Variants in FEZ1 observed in about 807,000 individuals in gnomAD.
FEZ1 encodes fasciculation and elongation protein zeta-1.
In FEZ1, 20 loss-of-function variants were observed where a neutral mutation model predicts 49.3. That is an observed-to-expected ratio of 0.41 (90% confidence interval 0.29 to 0.59). The LOEUF is 0.59. Ranked by LOEUF, FEZ1 falls within the 20% of genes least tolerant of loss-of-function variation. The pLI, the probability that FEZ1 is intolerant of heterozygous loss-of-function variation, is 0.36. For synonymous variants in FEZ1, 170 were observed against 180.9 expected (o/e 0.94, Z 0.48); for missense variants, 413 against 476.0 (o/e 0.87, Z 1.23).
chr11:125,457,617 TTGAC>T (rs1957031577), intron 5 of FEZ1, among the ~76,000 whole-genome samples: 1 of 148,864 alleles, frequency 6.7e-6, no homozygotes, highest in Non-Finnish European at 1.5e-5. Flanking sequence ...AATTAATTGA[TTGAC>T]TGGTTTTTAA....
At chr11:125,454,657 T>A (rs1257115295) in intron 6 of FEZ1, among the ~76,000 whole-genome samples, 1 of 152,086 alleles carries the variant, frequency 6.6e-6, no homozygotes, top group African/African-American at 2.4e-5. Context: ...AGGTCTGTGA[T>A]AGAGCCTAGG....
chr11:125,468,263 C>T (rs981949085), intron 3 of FEZ1, among the ~76,000 whole-genome samples: 15 of 152,078 alleles, frequency 9.9e-5, no homozygotes, highest in African/African-American at 3.4e-4. Flanking sequence ...CTGCAGCCTC[C>T]CTTTCCTGGG....
In FEZ1 at chr11:125,495,318, G is replaced by A; in HGVS notation, c.-46+803C>T. On this transcript the variant is annotated intron_variant, in intron 1 of 9. Transcript: ENST00000278919. The surrounding 1 kb of genome is among the most constrained non-coding windows in gnomAD (Gnocchi z 4.2). The stretch of plus-strand genomic sequence containing the variant: ...ACAAGCCCGGACACGGGAGAGGGAT[G>A]AGAGTCGGGGATGCCTAGCGGCGAG... 1 of 463,240 alleles carries A rather than the reference G, an allele frequency of 2.2e-6. No homozygotes were observed. The allele number at this position is 463,240 out of a possible 1,614,324, so 28.7% of individuals were successfully genotyped here. A position where few individuals can be genotyped will look rare whatever the true frequency, so the allele number is the denominator to read the frequency against.
chr11:125,454,748 G>A (rs1956991676), intron 6 of FEZ1, among the ~76,000 whole-genome samples: 2 of 152,140 alleles, frequency 1.3e-5, no homozygotes, highest in South Asian at 2.1e-4. Context: ...GGGCGCAGTG[G>A]CTCACACCTG....
chr11:125,493,409 A>AAAGAAG (rs1957409703), intron 1 of FEZ1, among the ~76,000 whole-genome samples: 1 of 68,352 alleles, frequency 1.5e-5, no homozygotes, highest in Non-Finnish European at 2.7e-5. Context: ...AAAGAAAGAA[A>AAAGAAG]GAAAGAAAGA....
At chr11:125,480,819 C>T (rs545576820) in intron 3 of FEZ1, among the ~76,000 whole-genome samples, 17 of 152,238 alleles carry the variant, frequency 1.1e-4, no homozygotes, top group African/African-American at 3.1e-4. Flanking sequence ...GCGGGCGGAT[C>T]ACGGGGTCAG....
At chr11:125,462,221 T>C (rs1456079529) in intron 4 of FEZ1, among the ~76,000 whole-genome samples, 1 of 152,254 alleles carries the variant, frequency 6.6e-6, no homozygotes, top group African/African-American at 2.4e-5. Flanking sequence ...TGGAAACTTA[T>C]GTAGTGTTTA....
chr11:125,455,695 A>G, intron 6 of FEZ1, 140 bp downstream of exon 6: 1 of 836,786 alleles, frequency 1.2e-6, no homozygotes, highest in Non-Finnish European at 2.0e-6. Flanking sequence ...TCCCTTTCTG[A>G]CCCCCTGTCT....
chr11:125,475,807 T>C (rs685282), intron 3 of FEZ1, among the ~76,000 whole-genome samples: 150,601 of 152,288 alleles, frequency 0.99, 74,484 homozygotes, highest in East Asian at 1. Context: ...GGTTTTTATC[T>C]AAGAGAAATG....
intron 1 of FEZ1, among the ~76,000 whole-genome samples, chr11:125,493,543 A>G (rs913572031): frequency 4.7e-5 from 7 of 150,474 alleles, no homozygotes; most frequent in East Asian, 4.0e-4. Flanking sequence ...AGAAAGAAAG[A>G]AAGAAAGAAA....
chr11:125,464,571 A>C (rs910195837), intron 3 of FEZ1, among the ~76,000 whole-genome samples: 5 of 152,186 alleles, frequency 3.3e-5, no homozygotes, highest in Admixed American at 2.6e-4. Flanking sequence ...TTCTAACAGG[A>C]AACAGCCCAG....
intron 3 of FEZ1, among the ~76,000 whole-genome samples, chr11:125,466,750 C>T (rs1957134209): frequency 6.6e-6 from 1 of 152,132 alleles, no homozygotes; most frequent in Non-Finnish European, 1.5e-5. Context: ...CTAAATCTTG[C>T]TGCACAGTGA....
At chr11:125,446,133 G>A (rs200854660) in intron 9 of FEZ1, 22 bp from the exon 10 acceptor site, 2 of 1,613,732 alleles carry the variant, frequency 1.2e-6, no homozygotes, top group East Asian at 2.2e-5. Flanking sequence ...AGAGAGGAGG[G>A]GAGAGCGGTC....
At chr11:125,474,035 T>C (rs1957206177) in intron 3 of FEZ1, among the ~76,000 whole-genome samples, 9 of 151,796 alleles carry the variant, frequency 5.9e-5, no homozygotes, top group Admixed American at 5.9e-4. Context: ...CCTTTTCTTT[T>C]TTTTTTTGAG....
chr11:125,491,931 T>C (rs1447936402), intron 1 of FEZ1, among the ~76,000 whole-genome samples: 1 of 152,222 alleles, frequency 6.6e-6, no homozygotes, highest in Non-Finnish European at 1.5e-5. Flanking sequence ...GTGACAAGCA[T>C]CATTGGTCCT....
rs775340077 is a variant in FEZ1 at position 125,455,696 on chromosome 11, C to A, written c.939+139G>T. 41 of 846,756 alleles carry A rather than the reference C, an allele frequency of 4.8e-5. No homozygotes were observed. In the Admixed American group the frequency reaches 6.9e-4, roughly 14 times the overall value. The allele number at this position is 846,756 out of a possible 1,614,324, so 52.5% of individuals were successfully genotyped here. On this transcript the variant is annotated intron_variant, in intron 6 of 9. Transcript: ENST00000278919. ...TAGGTGATATCTTCTCCCTTTCTGACCCCCTGTCTGTCACAGTGTGCTGCT... is the reference window on the plus strand; with the variant it reads ...TAGGTGATATCTTCTCCCTTTCTGAACCCCTGTCTGTCACAGTGTGCTGCT...
Position 125,443,027 on chromosome 11 carries a change from C to T in FEZ1, c.*3068G>A, listed in dbSNP as rs898839972. Among the ~76,000 whole-genome samples, 9 of 152,144 alleles carry T rather than the reference C, an allele frequency of 5.9e-5. No individual in the cohort carries two copies. The highest frequency in any genetic ancestry group is 8.8e-5 in the Non-Finnish European group (6 of 68,026). ...CTGGGATTACAGGCATGAGCCACCA[C>T]GCCCGGCCCTGTGGTGGAGTTTTCT... is the stretch of plus-strand genomic sequence containing the variant. On this transcript the variant is annotated 3_prime_UTR_variant, in exon 10 of 10. Coordinates refer to ENST00000278919, the MANE Select transcript of FEZ1 (RefSeq NM_005103.5).
chr11:125,471,837 A>G (rs543558595), intron 3 of FEZ1, among the ~76,000 whole-genome samples: 1 of 152,288 alleles, frequency 6.6e-6, no homozygotes, highest in East Asian at 1.9e-4. Context: ...GGCATATATT[A>G]CATTCACTAA....
Position 125,456,017 on chromosome 11 carries a change from G to T in FEZ1, c.757C>A (p.Gln253Lys). ...IRDFSEELVQQLARRDELEFE... is the reference protein window; with the variant it reads ...IRDFSEELVQKLARRDELEFE... ...TCCAGCTCGTCCCGGCGGGCCAGCT[G>T]CTGCACCAGCTCCTCCGAGAAGTCA... The change falls in exon 6 of 10, where the codon CAG (glutamine) becomes AAG (lysine). Residue 253 changes from glutamine to lysine, a missense_variant. Coordinates refer to ENST00000278919, the MANE Select transcript of FEZ1 (RefSeq NM_005103.5). The T allele has an allele frequency of 6.2e-7, 1 of 1,613,258 alleles. No homozygotes were observed. Among genetic ancestry groups the T allele is most frequent in the African/African-American group, 1.3e-5 (1 of 74,968 alleles).
Sources: allele counts gnomAD v4.1 joint callset (sites outside exome capture counted in the v4.1 genomes callset), GRCh38; gene constraint gnomAD v4.1.1; non-coding constraint Gnocchi (gnomAD v3.1); transcripts MANE v1.5; gene names NCBI Gene and HGNC (gene_info 2026-07-23, HGNC 2026-07-21).